NAF1: variants seen among roughly 807,000 people sequenced by gnomAD.
The protein encoded by NAF1 is H/ACA ribonucleoprotein complex non-core subunit NAF1.
Under a neutral mutation model 40.6 loss-of-function variants are expected in NAF1, and 11 were observed. The ratio of observed to expected loss-of-function variants is 0.27; its 90% CI spans 0.17 to 0.45. The LOEUF (loss-of-function observed/expected upper bound fraction) is 0.45. Ranked by LOEUF, NAF1 falls within the 20% of genes least tolerant of loss-of-function variation. NAF1 has a pLI of 1.00. For missense variants in NAF1, 607 were observed against 611.1 expected (o/e 0.99, Z 0.07); for synonymous variants, 260 against 228.5 (o/e 1.14, Z -1.24).
At chr4:163,137,092 G>A in intron 6 of NAF1, 107 bp downstream of exon 6, 7 of 1,246,154 alleles carry the variant, frequency 5.6e-6, no homozygotes, top group Non-Finnish European at 8.0e-6. Flanking sequence ...AGGCAGTATG[G>A]CTGCTAGCCA....
In NAF1 at chr4:163,112,188, G is replaced by C. The variant is rs372027030; in HGVS notation, c.115-1898C>G. On this transcript the variant is annotated intron_variant, in intron 2 of 2. Coordinates refer to the NAF1 transcript ENST00000509434. ...TTTACAAAATGGAAAAAATGATTGG[G>C]GGGGGAGAAAAATTGCTAGAGTTCT... 7.2e-5 allele frequency among the ~76,000 whole-genome samples: 11 copies of C among 152,100 alleles called. No homozygotes were observed. The East Asian group carries it at 9.6e-4, about 13-fold the overall frequency.
chr4:163,134,075 T>C (rs754483677), intron 6 of NAF1, among the ~76,000 whole-genome samples: 59 of 152,188 alleles, frequency 3.9e-4, no homozygotes, highest in African/African-American at 1.4e-3. Context: ...CATTAACTAA[T>C]TATTAGGATT....
downstream of NAF1, chr4:163,127,158 C>G: frequency 6.5e-7 from 1 of 1,536,870 alleles, no homozygotes; most frequent in Non-Finnish European, 8.8e-7. Context: ...GAGATGGAGT[C>G]TTGCTCTGCC....
At chr4:163,126,429 T>C (rs1200218540), downstream of NAF1, among the ~76,000 whole-genome samples, 2 of 152,140 alleles carry the variant, frequency 1.3e-5, no homozygotes, top group East Asian at 3.8e-4. Context: ...AATAACTGAA[T>C]ATGTGGTAGA....
chr4:163,154,204 C>G (rs557255816), intron 2 of NAF1, among the ~76,000 whole-genome samples: 10 of 152,318 alleles, frequency 6.6e-5, no homozygotes, highest in Middle Eastern at 3.4e-3. Context: ...AAGAACCTAC[C>G]AATTCCGGAC....
At chr4:163,115,035 GTTATC>G (rs2110811442) in intron 2 of NAF1, among the ~76,000 whole-genome samples, 1 of 151,624 alleles carries the variant, frequency 6.6e-6, no homozygotes, top group African/African-American at 2.4e-5. Context: ...TCCTATGACG[GTTATC>G]TTAACTATAA....
chr4:163,130,774 T>C (rs892293395), intron 7 of NAF1, among the ~76,000 whole-genome samples: 7 of 152,198 alleles, frequency 4.6e-5, no homozygotes, highest in African/African-American at 1.4e-4. Flanking sequence ...CCTTACACCG[T>C]TCACAAGAAT....
chr4:163,123,531 G>C (rs553321065), downstream of NAF1, among the ~76,000 whole-genome samples: 8 of 152,104 alleles, frequency 5.3e-5, no homozygotes, highest in Non-Finnish European at 1.0e-4. Context: ...ACAGGCATGC[G>C]TAACCATGCT....
chr4:163,151,002 A>G (rs1297147473), intron 2 of NAF1, among the ~76,000 whole-genome samples: 1 of 152,142 alleles, frequency 6.6e-6, no homozygotes, highest in Admixed American at 6.5e-5. Context: ...TTCATAAAGA[A>G]GAGTGAACAT....
At chr4:163,120,501 G>C (rs920958944) in intron 2 of NAF1, among the ~76,000 whole-genome samples, 5 of 152,196 alleles carry the variant, frequency 3.3e-5, no homozygotes, top group African/African-American at 9.7e-5. Flanking sequence ...CTGTTTGAAA[G>C]ATGGAGTAAT....
At chr4:163,133,062 G>T in intron 7 of NAF1, 92 bp downstream of exon 7, 2 of 1,053,718 alleles carry the variant, frequency 1.9e-6, no homozygotes, top group South Asian at 3.0e-5. Flanking sequence ...TAAACAGAGA[G>T]AACCCAGATG....
intron 2 of NAF1, among the ~76,000 whole-genome samples, chr4:163,150,884 T>C (rs527874901): frequency 6.6e-6 from 1 of 152,232 alleles, no homozygotes; most frequent in East Asian, 1.9e-4. Context: ...ATTTCCACAA[T>C]GTATGAGAGA....
the NAF1 span, among the ~76,000 whole-genome samples, chr4:163,104,492 T>C: frequency 6.6e-6 from 1 of 152,252 alleles, no homozygotes; most frequent in South Asian, 2.1e-4. Context: ...TGGATTCTGA[T>C]ATATTTCATA....
intron 2 of NAF1, among the ~76,000 whole-genome samples, chr4:163,154,619 T>C (rs1369262917): frequency 6.6e-6 from 1 of 152,150 alleles, no homozygotes; most frequent in Non-Finnish European, 1.5e-5. Flanking sequence ...ATGCCTGTAA[T>C]CCCAGCACTT....
At chr4:163,158,093 T>C (rs1732063842) in intron 2 of NAF1, 1 of 152,102 alleles carries the variant, frequency 6.6e-6, no homozygotes, top group Non-Finnish European at 1.5e-5. Flanking sequence ...GAATCAAACA[T>C]TCCAAATGAA....
chr4:163,145,638 G>A, intron 4 of NAF1, 144 bp downstream of exon 4: 1 of 599,074 alleles, frequency 1.7e-6, no homozygotes, highest in Non-Finnish European at 2.9e-6. Context: ...AGTACTAAAG[G>A]AAATCAAGAA....
At chr4:163,116,768 T>C (rs1456162165) in intron 2 of NAF1, among the ~76,000 whole-genome samples, 1 of 152,206 alleles carries the variant, frequency 6.6e-6, no homozygotes, top group Non-Finnish European at 1.5e-5. Flanking sequence ...CCTCACAAAA[T>C]TGTTGTGAAG....
chr4:163,125,616 G>T (rs1211701635), downstream of NAF1, among the ~76,000 whole-genome samples: 1 of 152,174 alleles, frequency 6.6e-6, no homozygotes, highest in Non-Finnish European at 1.5e-5. Flanking sequence ...GGCTCATGAG[G>T]TTTAAGGAAA....
In NAF1 at chr4:163,166,884, A is replaced by G. The variant is rs1356898095; in HGVS notation, c.-157T>C. Reference sequence around the variant, plus strand: ...AGGTAACTACACGCGGAGGAGCCAAAAGACACGCCCCCGCCATTTACGCAG... The same window carrying G: ...AGGTAACTACACGCGGAGGAGCCAAGAGACACGCCCCCGCCATTTACGCAG... On this transcript the variant is annotated 5_prime_UTR_variant, in exon 1 of 8. Coordinates refer to ENST00000274054, the MANE Select transcript of NAF1 (RefSeq NM_138386.3). The G allele has an allele frequency of 2.0e-6, 2 of 980,954 alleles. No homozygotes were observed. The highest frequency in any genetic ancestry group is 2.9e-6 in the Non-Finnish European group (2 of 687,728). The allele number at this position is 980,954 out of a possible 1,614,324, so 60.8% of individuals were successfully genotyped here. A position where few individuals can be genotyped will look rare whatever the true frequency, so the allele number is the denominator to read the frequency against.
Sources: gnomAD v4.1 joint callset for allele counts (sites outside exome capture counted in the v4.1 genomes callset) on GRCh38, gnomAD v4.1.1 for gene constraint, MANE v1.5 for transcripts, NCBI Gene and HGNC (gene_info 2026-07-23, HGNC 2026-07-21) for gene names.